Variants in CHST11 observed in about 807,000 individuals in gnomAD.
CHST11 encodes carbohydrate sulfotransferase 11, also known as C4S-1.
CHST11 carries 9 observed loss-of-function variants against 30.4 expected under a neutral mutation model. That is an observed-to-expected ratio of 0.30 (90% CI 0.18 to 0.52). The LOEUF is 0.52. Among genes scored for constraint, CHST11 ranks in the 20% least tolerant of loss-of-function variants. CHST11 has a pLI of 0.97. For synonymous variants in CHST11, 152 were observed against 187.8 expected, an observed-to-expected ratio of 0.81 and a Z score of 1.56; for missense variants, 348 against 460.6, an observed-to-expected ratio of 0.76 and a Z score of 2.24.
intron 1 of CHST11, among the ~76,000 whole-genome samples, chr12:104,582,582 G>A (rs928921888): frequency 1.3e-5 from 2 of 152,106 alleles, no homozygotes; most frequent in African/African-American, 2.4e-5. Context: ...CCCTCTGCAC[G>A]CCCTTCTCAT....
chr12:104,741,851 G>A (rs1459366261), intron 2 of CHST11, among the ~76,000 whole-genome samples: 2 of 152,194 alleles, frequency 1.3e-5, no homozygotes, highest in African/African-American at 4.8e-5. Context: ...TCAAGAGCAG[G>A]TTCCCAGGAC....
chr12:104,504,870 G>C (rs773298826), intron 1 of CHST11, among the ~76,000 whole-genome samples: 2 of 152,112 alleles, frequency 1.3e-5, no homozygotes, highest in Non-Finnish European at 2.9e-5. Context: ...TGGTTGGAGT[G>C]GGGGAGGGGG....
At chr12:104,498,120 G>C (rs753309153) in intron 1 of CHST11, among the ~76,000 whole-genome samples, 2 of 151,794 alleles carry the variant, frequency 1.3e-5, no homozygotes, top group Non-Finnish European at 2.9e-5. Flanking sequence ...GGGTTTTGCC[G>C]TGTTGGCCAG....
chr12:104,635,027 C>T (rs2039310385), intron 2 of CHST11, among the ~76,000 whole-genome samples: 1 of 152,144 alleles, frequency 6.6e-6, no homozygotes, highest in Non-Finnish European at 1.5e-5. Flanking sequence ...GCAGCATTCA[C>T]CCTCAGGACC....
chr12:104,611,790 A>G (rs2039062106), intron 2 of CHST11, among the ~76,000 whole-genome samples: 1 of 152,208 alleles, frequency 6.6e-6, no homozygotes, highest in Non-Finnish European at 1.5e-5. Context: ...AAGTGTGAGT[A>G]TTGTGGAAGG....
intron 1 of CHST11, among the ~76,000 whole-genome samples, chr12:104,593,738 C>T (rs75850724): frequency 0.015 from 2,339 of 152,256 alleles, 75 homozygotes; most frequent in East Asian, 0.1. Context: ...GCCTCAGCTT[C>T]CTTGTCTGTA....
In CHST11 at chr12:104,598,674, C is replaced by G. The variant is rs982813880; in HGVS notation, c.119-3232C>G. Among the ~76,000 whole-genome samples the G allele has an allele frequency of 4.6e-5, 7 of 152,338 alleles. No individual in the cohort carries two copies. The South Asian group carries it at 1.2e-3, about 27-fold the overall frequency. On this transcript the variant is annotated intron_variant, in intron 1 of 2. Transcript: ENST00000303694. ...TGAGTAGGGCACACGTTGAGAAACTCTAGTTTTTGGAACATGACACGGAGG... is the reference window on the plus strand; with the variant it reads ...TGAGTAGGGCACACGTTGAGAAACTGTAGTTTTTGGAACATGACACGGAGG...
At chr12:104,566,078 C>A (rs2136020051) in intron 1 of CHST11, among the ~76,000 whole-genome samples, 1 of 152,294 alleles carries the variant, frequency 6.6e-6, no homozygotes, top group South Asian at 2.1e-4. Context: ...TGGAGTATGT[C>A]CAGGCAGCAT....
intron 2 of CHST11, among the ~76,000 whole-genome samples, chr12:104,705,791 T>C (rs1280841592): frequency 6.6e-6 from 1 of 151,912 alleles, no homozygotes; most frequent in Non-Finnish European, 1.5e-5. Flanking sequence ...CATAGTGGTA[T>C]GCGCTTGTAA....
intron 1 of CHST11, among the ~76,000 whole-genome samples, chr12:104,548,112 C>T (rs1244661913): frequency 1.3e-5 from 2 of 152,208 alleles, no homozygotes; most frequent in Non-Finnish European, 2.9e-5. Flanking sequence ...AGGCTTGTTG[C>T]CAGACTGTAA....
chr12:104,460,193 G>A (rs1255059224), intron 1 of CHST11, among the ~76,000 whole-genome samples: 1 of 152,182 alleles, frequency 6.6e-6, no homozygotes, highest in Non-Finnish European at 1.5e-5. Context: ...TGTCTCTCCA[G>A]ATCACCCTGG....
chr12:104,588,771 C>G (rs1266264930), intron 1 of CHST11: 1 of 152,540 alleles, frequency 6.6e-6, no homozygotes, highest in Admixed American at 6.5e-5. Flanking sequence ...CACCAGCAGC[C>G]TCTGGGCTCC....
chr12:104,509,123 T>C (rs912084761), intron 1 of CHST11, among the ~76,000 whole-genome samples: 1 of 152,156 alleles, frequency 6.6e-6, no homozygotes. Flanking sequence ...CTGTGGGAGG[T>C]CATTGAACCA....
intron 2 of CHST11, among the ~76,000 whole-genome samples, chr12:104,692,511 A>G (rs1007338105): frequency 6.6e-5 from 10 of 152,238 alleles, no homozygotes; most frequent in Non-Finnish European, 1.3e-4. Context: ...GAATTGAGAC[A>G]CAGAGGTTAA....
chr12:104,588,077 T>A (rs2038823281), intron 1 of CHST11, among the ~76,000 whole-genome samples: 1 of 152,158 alleles, frequency 6.6e-6, no homozygotes, highest in Non-Finnish European at 1.5e-5. Flanking sequence ...CTATACTTAT[T>A]TTAAAAACAG....
Position 104,458,236 on chromosome 12 carries a change from G to A in CHST11, c.118+707G>A, listed in dbSNP as rs1424469198. ...GCCCCGGGGCCTGCTCCAGCCCCCA[G>A]CCCTGAGCTGGAAACTCCGAGCTCC... is the stretch of plus-strand genomic sequence containing the variant. On this transcript the variant is annotated intron_variant, in intron 1 of 2. Coordinates refer to ENST00000303694, the MANE Select transcript of CHST11 (RefSeq NM_018413.6). The surrounding 1 kb of genome is among the most constrained non-coding windows in gnomAD (Gnocchi z 5.7). Among the ~76,000 whole-genome samples, 6 of 152,144 alleles carry A rather than the reference G, an allele frequency of 3.9e-5. No individual in the cohort carries two copies. Among genetic ancestry groups the A allele is most frequent in the African/African-American group, 1.4e-4 (6 of 41,450 alleles).
chr12:104,707,925 T>C (rs556677581), intron 2 of CHST11, among the ~76,000 whole-genome samples: 91 of 152,302 alleles, frequency 6.0e-4, no homozygotes, highest in African/African-American at 2.1e-3. Flanking sequence ...CATAGACACA[T>C]GCAGGCATGC....
intron 1 of CHST11, among the ~76,000 whole-genome samples, chr12:104,473,953 A>G (rs888492688): frequency 2.0e-5 from 3 of 152,104 alleles, no homozygotes; most frequent in African/African-American, 4.8e-5. Flanking sequence ...GACCACTACA[A>G]CCACGACAGG....
chr12:104,573,949 G>A (rs943075971), intron 1 of CHST11, among the ~76,000 whole-genome samples: 15 of 152,130 alleles, frequency 9.9e-5, no homozygotes, highest in Admixed American at 3.3e-4. Flanking sequence ...GAAAATTTTT[G>A]CAATCTACTC....
Sources: allele counts gnomAD v4.1 joint callset (sites outside exome capture counted in the v4.1 genomes callset), GRCh38; gene constraint gnomAD v4.1.1; non-coding constraint Gnocchi (gnomAD v3.1); transcripts MANE v1.5; gene names NCBI Gene and HGNC (gene_info 2026-07-23, HGNC 2026-07-21).